Variants in PCDHAC1 observed in about 807,000 individuals in gnomAD.
The protein encoded by PCDHAC1 is protocadherin alpha-C1.
A neutral mutation model predicts 60.0 loss-of-function variants in PCDHAC1; 42 were observed. The ratio of observed to expected loss-of-function variants is 0.70; its 90% CI spans 0.55 to 0.90. PCDHAC1 has a LOEUF of 0.90. PCDHAC1 is among the 40% of genes least tolerant of loss of function. The pLI is 0.00. For synonymous variants in PCDHAC1, 468 were observed against 499.3 expected (o/e 0.94, Z 0.84); for missense variants, 1,160 against 1,222.3 (o/e 0.95, Z 0.76).
chr5:140,960,134 A>G (rs1480555997), intron 1 of PCDHAC1, among the ~76,000 whole-genome samples: 10 of 152,232 alleles, frequency 6.6e-5, no homozygotes, highest in African/African-American at 2.2e-4. Context: ...TGAAATACTT[A>G]GATATTAATA....
intron 1 of PCDHAC1, among the ~76,000 whole-genome samples, chr5:140,938,233 A>AC (rs1329361250): frequency 6.6e-6 from 1 of 152,210 alleles, no homozygotes; most frequent in African/African-American, 2.4e-5. Context: ...GGCATAGGCC[A>AC]CCATGCCTGG....
intron 3 of PCDHAC1, among the ~76,000 whole-genome samples, chr5:140,985,739 CT>C (rs11372071): frequency 0.013 from 1,497 of 117,900 alleles, 11 homozygotes; most frequent in African/African-American, 0.038. Flanking sequence ...TGATGAATTC[CT>C]TTTTTTTTTT....
chr5:140,968,201 C>T, intron 1 of PCDHAC1: 1 of 1,614,032 alleles, frequency 6.2e-7, no homozygotes, highest in Non-Finnish European at 8.5e-7. Context: ...CATCTACATA[C>T]AGGAGAACAA....
At chr5:140,973,760 A>T (rs2153800993) in intron 1 of PCDHAC1, among the ~76,000 whole-genome samples, 1 of 152,376 alleles carries the variant, frequency 6.6e-6, no homozygotes, top group Admixed American at 6.5e-5. Flanking sequence ...GCAGGGACAC[A>T]GCCTGGCATA....
Position 140,928,585 on chromosome 5 carries a change from G to A in PCDHAC1, c.1693G>A (p.Val565Ile), listed in dbSNP as rs1554206029. 1 of 1,614,194 alleles carries A rather than the reference G, an allele frequency of 6.2e-7. No individual in the cohort carries two copies. Among genetic ancestry groups the A allele is most frequent in the Admixed American group, 1.7e-5 (1 of 60,018 alleles). Residue 565 changes from valine (V) to isoleucine (I), a missense_variant, in exon 1 of 4, where the codon GTC becomes ATC. This residue lies in a region of PCDHAC1 where 1,113 missense variants were observed against 1,163.7 expected (regional missense o/e 0.96). Coordinates refer to ENST00000253807, the MANE Select transcript of PCDHAC1 (RefSeq NM_018898.5). Reference protein sequence around the residue: ...ILFPLPRNGSVPVEIVPRSAR... With the variant: ...ILFPLPRNGSIPVEIVPRSAR... The stretch of plus-strand genomic sequence containing the variant: ...GTTTCCCTTGCCCAGAAATGGTTCT[G>A]TCCCAGTGGAAATTGTGCCCCGCTC...
intron 1 of PCDHAC1, chr5:140,969,289 G>C: frequency 6.2e-7 from 1 of 1,614,208 alleles, no homozygotes; most frequent in Non-Finnish European, 8.5e-7. Context: ...AGAATGCTGG[G>C]AACCTGATTA....
intron 1 of PCDHAC1, among the ~76,000 whole-genome samples, chr5:140,933,650 CCTGTCTCTCTCT>C (rs1218539002): frequency 2.6e-5 from 4 of 151,890 alleles, no homozygotes; most frequent in South Asian, 2.1e-4. Context: ...AGTTGGAAAT[CCTGTCTCTCTCT>C]CTGTCTCTCT....
intron 1 of PCDHAC1, among the ~76,000 whole-genome samples, chr5:140,972,741 G>T (rs1453484254): frequency 6.9e-6 from 1 of 145,350 alleles, no homozygotes; most frequent in Non-Finnish European, 1.5e-5. Context: ...CCGGCTCACT[G>T]CAACCTCCGC....
chr5:140,930,892 TTTAAC>T, intron 1 of PCDHAC1, among the ~76,000 whole-genome samples: 1 of 152,332 alleles, frequency 6.6e-6, no homozygotes, highest in African/African-American at 2.4e-5. Context: ...AGGGAAAAAC[TTTAAC>T]TTACTTTTCT....
intron 1 of PCDHAC1, among the ~76,000 whole-genome samples, chr5:140,941,562 G>A (rs1032844993): frequency 1.3e-5 from 2 of 151,596 alleles, no homozygotes; most frequent in African/African-American, 2.4e-5. Flanking sequence ...TGATCCATTC[G>A]CCTCAGCCTC....
chr5:140,939,733 C>T (rs1433987863), intron 1 of PCDHAC1, among the ~76,000 whole-genome samples: 2 of 152,162 alleles, frequency 1.3e-5, no homozygotes, highest in Non-Finnish European at 2.9e-5. Flanking sequence ...TTGTGTGTAG[C>T]TGTGTATCAT....
intron 1 of PCDHAC1, among the ~76,000 whole-genome samples, chr5:140,960,837 G>A (rs1554225051): frequency 6.6e-6 from 1 of 151,456 alleles, no homozygotes; most frequent in African/African-American, 2.5e-5. Flanking sequence ...ACTTGGAACA[G>A]GTTTAATGGC....
At chr5:140,934,163 G>A (rs2153618590) in intron 1 of PCDHAC1, among the ~76,000 whole-genome samples, 1 of 152,110 alleles carries the variant, frequency 6.6e-6, no homozygotes, top group Non-Finnish European at 1.5e-5. Flanking sequence ...ATTTCAGTGT[G>A]CAACAGAAGT....
Position 140,926,505 on chromosome 5 carries a change from TC to T in PCDHAC1, c.-385del. On this transcript the variant is annotated 5_prime_UTR_variant, in exon 1 of 4. Coordinates refer to ENST00000253807, the MANE Select transcript of PCDHAC1 (RefSeq NM_018898.5). ...AGAAGTGTTAGTGTCTCGGGGCGTC[TC>T]CCAGGCTCCGCCCTGCGCCCGCAGC... The T allele has an allele frequency of 5.2e-6, 1 of 190,688 alleles. No individual in the cohort carries two copies. The allele number at this position is 190,688 out of a possible 1,614,324, so 11.8% of individuals were successfully genotyped here.
rs1554204518 is a variant in PCDHAC1 at position 140,927,427 on chromosome 5, G to A, written c.535G>A (p.Gly179Ser). Reference sequence around the variant, plus strand: ...CCTGGACATGGGATCGCGGGTTGACGGCAGCGAATACCCGGAGTTGGTGTT... The same window carrying A: ...CCTGGACATGGGATCGCGGGTTGACAGCAGCGAATACCCGGAGTTGGTGTT... ...FRLDMGSRVD[G>S]SEYPELVLEK... The change falls in exon 1 of 4, where the codon GGC becomes AGC. Residue 179 changes from glycine (G) to serine (S), a missense_variant. By Grantham distance (56) the Gly-to-Ser change is moderately conservative. Transcript: ENST00000253807. 1.2e-6 allele frequency: 2 copies of A among 1,614,114 alleles called. No homozygotes were observed. Among genetic ancestry groups the A allele is most frequent in the Non-Finnish European group, 1.7e-6 (2 of 1,179,974 alleles).
chr5:141,005,701 CA>C (rs59860837), intron 3 of PCDHAC1, among the ~76,000 whole-genome samples: 201 of 7,776 alleles, frequency 0.026, no homozygotes, highest in African/African-American at 0.052. Flanking sequence ...AACTCCGTCT[CA>C]AAAAAAAAAA....
chr5:140,994,717 A>T (rs1350882833), intron 3 of PCDHAC1, among the ~76,000 whole-genome samples: 4 of 152,164 alleles, frequency 2.6e-5, no homozygotes, highest in Admixed American at 6.6e-5. Context: ...AAAAAAATTT[A>T]AAATACTGGG....
chr5:140,966,538 C>T, intron 1 of PCDHAC1: 2 of 463,262 alleles, frequency 4.3e-6, no homozygotes, highest in South Asian at 1.1e-4. Flanking sequence ...GGTTGAGCGA[C>T]TCGGAGGCGA....
intron 3 of PCDHAC1, among the ~76,000 whole-genome samples, chr5:141,009,035 G>A (rs1455230382): frequency 2.6e-5 from 4 of 152,106 alleles, no homozygotes; most frequent in Non-Finnish European, 2.9e-5. Flanking sequence ...TTCCCATCCC[G>A]TTCCCAGTCA....
Sources: gnomAD v4.1 joint callset for allele counts (sites outside exome capture counted in the v4.1 genomes callset) on GRCh38, gnomAD v4.1.1 for gene constraint, gnomAD v4.1.1 regional missense constraint, MANE v1.5 for transcripts, NCBI Gene and HGNC (gene_info 2026-07-23, HGNC 2026-07-21) for gene names.